The following DSTYK variants were observed in gnomAD, a reference collection of about 807,000 sequenced individuals.
DSTYK encodes the protein RIP-homologous kinase.
Under a neutral mutation model 98.7 loss-of-function variants are expected in DSTYK, and 34 were observed. That is an observed-to-expected ratio of 0.34 (90% confidence interval 0.26 to 0.46). The LOEUF (loss-of-function observed/expected upper bound fraction) is 0.46, where lower values mean the gene tolerates loss of function less well. DSTYK is among the 20% of genes least tolerant of loss of function. The pLI is 1.00. For missense variants in DSTYK, 962 were observed against 1,181.7 expected, an observed-to-expected ratio of 0.81 and a Z score of 2.73; for synonymous variants, 462 against 457.3, an observed-to-expected ratio of 1.01 and a Z score of -0.13.
chr1:205,190,685 A>G (rs1331329622), intron 1 of DSTYK, among the ~76,000 whole-genome samples: 1 of 151,552 alleles, frequency 6.6e-6, no homozygotes, highest in African/African-American at 2.4e-5. Context: ...TAACTACCAT[A>G]GTCTCAGCTC....
chr1:205,154,112 A>C lies in DSTYK; in HGVS notation c.2352+3161T>G, dbSNP rs183177038. Among the ~76,000 whole-genome samples, 52 of 151,908 alleles carry C rather than the reference A, an allele frequency of 3.4e-4. 2 individuals carry two copies. Among genetic ancestry groups the C allele is most frequent in the Admixed American group, 3.2e-3 (48 of 15,226 alleles). On this transcript the variant is annotated intron_variant, in intron 10 of 12. Coordinates refer to ENST00000367162, the MANE Select transcript of DSTYK (RefSeq NM_015375.3). Reference sequence around the variant, plus strand: ...ATGTATAGAGAGAAAGAGAGAGCGTACATTTTGGAGAAAAGAATATGAGTT... The same window carrying C: ...ATGTATAGAGAGAAAGAGAGAGCGTCCATTTTGGAGAAAAGAATATGAGTT...
chr1:205,182,792 G>A (rs978709049), intron 2 of DSTYK, among the ~76,000 whole-genome samples: 1 of 149,758 alleles, frequency 6.7e-6, no homozygotes, highest in African/African-American at 2.5e-5. Context: ...GGTGACAAGA[G>A]TAAGACTCCG....
rs934472821 is a variant in DSTYK, at chr1:205,162,557, C to A, written c.1642-345G>T. On this transcript the variant is annotated intron_variant, in intron 5 of 12. Coordinates refer to ENST00000367162, the MANE Select transcript of DSTYK (RefSeq NM_015375.3). Reference sequence around the variant, plus strand: ...CAGAAACCACATTCACAGCCTCTGGCAACAACAAAGCCTAGTTCTGAGAAA... The same window carrying A: ...CAGAAACCACATTCACAGCCTCTGGAAACAACAAAGCCTAGTTCTGAGAAA... Among the ~76,000 whole-genome samples, 7 of 152,170 alleles carry A rather than the reference C, an allele frequency of 4.6e-5. No homozygotes were observed. In the East Asian group the frequency reaches 1.3e-3, roughly 29 times the overall value.
intron 1 of DSTYK, among the ~76,000 whole-genome samples, chr1:205,197,256 C>G (rs1461880167): frequency 6.6e-6 from 1 of 151,946 alleles, no homozygotes; most frequent in Non-Finnish European, 1.5e-5. Context: ...GTATGGTGAT[C>G]ATAGAAGCAC....
chr1:205,147,499 T>A lies in DSTYK; in HGVS notation c.*59A>T. The A allele has an allele frequency of 5.8e-6, 9 of 1,554,288 alleles. No individual in the cohort carries two copies. The highest frequency in any genetic ancestry group is 7.9e-6 in the Non-Finnish European group (9 of 1,141,538). On this transcript the variant is annotated 3_prime_UTR_variant, in exon 13 of 13. Transcript: ENST00000367162. Reference sequence around the variant, plus strand: ...GTGAATAAATGTCAAATTCTCCCCATGGCCAAAAGGTGAGGGGGAAGGAAA... The same window carrying A: ...GTGAATAAATGTCAAATTCTCCCCAAGGCCAAAAGGTGAGGGGGAAGGAAA...
At chr1:205,188,981 T>A (rs748175255) in intron 1 of DSTYK, among the ~76,000 whole-genome samples, 2 of 152,190 alleles carry the variant, frequency 1.3e-5, no homozygotes, top group African/African-American at 4.8e-5. Flanking sequence ...AACATTCTCC[T>A]TGATGGACAT....
chr1:205,167,594 T>G (rs16855205), intron 3 of DSTYK, among the ~76,000 whole-genome samples: 2,379 of 152,006 alleles, frequency 0.016, 56 homozygotes, highest in African/African-American at 0.054. Context: ...CCAACTGACA[T>G]AGAAAATACA....
chr1:205,187,578 A>G lies in DSTYK; in HGVS notation c.494T>C (p.Leu165Pro), dbSNP rs1170560711. 6.2e-7 allele frequency: 1 copy of G among 1,614,188 alleles called. No individual in the cohort carries two copies. The highest frequency in any genetic ancestry group is 1.1e-5 in the South Asian group (1 of 91,082). The stretch of plus-strand genomic sequence containing the variant: ...TAGTTCATACTGTCCAGGGAGCGCC[A>G]GGCTGACCCGAGTCTGAGTCCCATA... ...FTYGTQTRVS[L>P]ALPGQYELVH... The change falls in exon 2 of 13, where the codon CTG becomes CCG. Residue 165 changes from leucine (L) to proline (P), a missense_variant. Coordinates refer to ENST00000367162, the MANE Select transcript of DSTYK (RefSeq NM_015375.3).
chr1:205,169,886 G>A lies in DSTYK; in HGVS notation c.655-54C>T. ...CGCCTCAGGGTCAGAACCAATCCCTGTCTCCCCAAAGTCCCACACTGAGAC... is the reference window on the plus strand; with the variant it reads ...CGCCTCAGGGTCAGAACCAATCCCTATCTCCCCAAAGTCCCACACTGAGAC... On this transcript the variant is annotated intron_variant, in intron 2 of 12. Transcript: ENST00000367162. The surrounding 1 kb of genome is among the most constrained non-coding windows in gnomAD (Gnocchi z 4.0). 5 of 1,518,212 alleles carry A rather than the reference G, an allele frequency of 3.3e-6. No individual in the cohort carries two copies. The highest frequency in any genetic ancestry group is 1.8e-6 in the Non-Finnish European group (2 of 1,133,786). 94.0% of individuals were successfully genotyped at this position (1,518,212 alleles called of 1,614,324 possible).
intron 10 of DSTYK, among the ~76,000 whole-genome samples, chr1:205,153,588 T>C (rs1203896453): frequency 6.6e-6 from 1 of 152,240 alleles, no homozygotes; most frequent in Non-Finnish European, 1.5e-5. Context: ...TATTAAATAA[T>C]AGTATTGTAT....
At chr1:205,167,475 A>G (rs575542449) in intron 3 of DSTYK, among the ~76,000 whole-genome samples, 75 of 152,328 alleles carry the variant, frequency 4.9e-4, no homozygotes, top group Non-Finnish European at 9.6e-4. Flanking sequence ...CCTGATGGGT[A>G]GGTAGGATTT....
chr1:205,182,921 G>A (rs917017247), intron 2 of DSTYK, among the ~76,000 whole-genome samples: 3 of 152,086 alleles, frequency 2.0e-5, no homozygotes, highest in African/African-American at 7.2e-5. Flanking sequence ...GGATAAACAG[G>A]CTACTGATCA....
chr1:205,210,629 A>C (rs1431050389), intron 1 of DSTYK, among the ~76,000 whole-genome samples: 1 of 152,208 alleles, frequency 6.6e-6, no homozygotes, highest in Non-Finnish European at 1.5e-5. Context: ...CTCAGGACCA[A>C]AATGATCCCT....
intron 1 of DSTYK, among the ~76,000 whole-genome samples, chr1:205,207,755 C>CAAAAAAAAAAAAAAAAAAAAAAAA (rs766036213): frequency 3.8e-5 from 2 of 52,728 alleles, no homozygotes; most frequent in Non-Finnish European, 6.2e-5. Context: ...GACTCTGTCT[C>CAAAAAAAAAAAAAAAAAAAAAAAA]AAAAAAAAAA....
Position 205,160,317 on chromosome 1 carries a change from G to A in DSTYK, c.1949-47C>T, listed in dbSNP as rs145387150. On this transcript the variant is annotated intron_variant, in intron 7 of 12. Transcript: ENST00000367162. ...ATAAGGCAGGAGGAATGGGAACTTC[G>A]TGGGCAACCTCTGTAAGATTCTTTT... 1,004 of 1,550,684 alleles carry A rather than the reference G, an allele frequency of 6.5e-4. 8 individuals carry two copies. In the East Asian group the frequency reaches 0.012, roughly 19 times the overall value.
At chr1:205,148,058 T>C in intron 12 of DSTYK, 147 bp downstream of exon 12, 3 of 997,908 alleles carry the variant, frequency 3.0e-6, no homozygotes, top group Non-Finnish European at 2.9e-6. Context: ...GACTTAAATA[T>C]CTTTTCTGGA....
chr1:205,198,718 T>C (rs957225117), intron 1 of DSTYK, among the ~76,000 whole-genome samples: 1 of 151,978 alleles, frequency 6.6e-6, no homozygotes, highest in Non-Finnish European at 1.5e-5. Flanking sequence ...TTGACTTGAT[T>C]TAAAAAAAAC....
At chr1:205,198,780 T>C (rs961141223) in intron 1 of DSTYK, among the ~76,000 whole-genome samples, 1 of 149,724 alleles carries the variant, frequency 6.7e-6, no homozygotes, top group Non-Finnish European at 1.5e-5. Flanking sequence ...GACTAGAAAA[T>C]ATTAAAAAAA....
chr1:205,201,286 C>T lies in DSTYK; in HGVS notation c.265+9985G>A, dbSNP rs150857528. Reference sequence around the variant, plus strand: ...GATAAATGTTTAAGGGGATGGCTACCCCATTCTCCATGATGTGTTTATTTC... The same window carrying T: ...GATAAATGTTTAAGGGGATGGCTACTCCATTCTCCATGATGTGTTTATTTC... On this transcript the variant is annotated intron_variant, in intron 1 of 12. Transcript: ENST00000367162. 5.4e-4 allele frequency among the ~76,000 whole-genome samples: 82 copies of T among 151,794 alleles called. 2 individuals carry two copies. The East Asian group carries it at 0.012, about 23-fold the overall frequency.
Sources: gnomAD v4.1 joint callset for allele counts (sites outside exome capture counted in the v4.1 genomes callset) on GRCh38, gnomAD v4.1.1 for gene constraint, Gnocchi (gnomAD v3.1) non-coding constraint, MANE v1.5 for transcripts, NCBI Gene and HGNC (gene_info 2026-07-23, HGNC 2026-07-21) for gene names.